Variants in PTPRT observed in about 807,000 individuals in gnomAD.
PTPRT encodes the protein protein tyrosine phosphatase receptor type T.
In PTPRT, 56 loss-of-function variants were observed where a neutral mutation model predicts 176.8. That is an observed-to-expected ratio of 0.32 (90% confidence interval 0.26 to 0.40). The LOEUF (loss-of-function observed/expected upper bound fraction) is 0.40, where lower values mean the gene tolerates loss of function less well. PTPRT is among the 10% of genes least tolerant of loss of function. The pLI, the probability that PTPRT is intolerant of heterozygous loss-of-function variation, is 1.00. For synonymous variants in PTPRT, 783 were observed against 739.0 expected (o/e 1.06, Z -0.96); for missense variants, 1,540 against 1,908.2 (o/e 0.81, Z 3.60).
At chr20:42,263,570 G>A (rs373546100) in intron 13 of PTPRT, among the ~76,000 whole-genome samples, 25 of 151,380 alleles carry the variant, frequency 1.7e-4, no homozygotes, top group Admixed American at 8.6e-4. Context: ...TAGTAGAGAC[G>A]GGGTTTCACC....
chr20:42,749,735 A>C (rs1330639949), intron 6 of PTPRT, among the ~76,000 whole-genome samples: 1 of 152,228 alleles, frequency 6.6e-6, no homozygotes, highest in East Asian at 1.9e-4. Flanking sequence ...AGCTTATTAC[A>C]GAACCTGACA....
At chr20:42,501,930 T>G (rs6030289) in intron 7 of PTPRT, among the ~76,000 whole-genome samples, 19,905 of 152,048 alleles carry the variant, frequency 0.13, 3,072 homozygotes, top group African/African-American at 0.38. Context: ...AATTAGGAAA[T>G]TTTCCTATAT....
chr20:42,220,480 G>C (rs2055861454), intron 15 of PTPRT, among the ~76,000 whole-genome samples: 1 of 152,098 alleles, frequency 6.6e-6, no homozygotes, highest in African/African-American at 2.4e-5. Context: ...GGGAAGCTGA[G>C]GCAGGACTGT....
chr20:42,400,720 G>A (rs930756269), intron 9 of PTPRT, among the ~76,000 whole-genome samples: 9 of 152,162 alleles, frequency 5.9e-5, no homozygotes, highest in Non-Finnish European at 2.9e-5. Flanking sequence ...AGAAGAGAAA[G>A]GAAAGGTCTT....
chr20:42,478,159 T>A (rs2071323743), intron 7 of PTPRT, among the ~76,000 whole-genome samples: 1 of 152,214 alleles, frequency 6.6e-6, no homozygotes, highest in Non-Finnish European at 1.5e-5. Flanking sequence ...CTGAGGTTGC[T>A]GTGCACACAC....
chr20:42,050,672 C>T, the PTPRT span, among the ~76,000 whole-genome samples: 34 of 152,292 alleles, frequency 2.2e-4, no homozygotes, highest in African/African-American at 7.9e-4. Flanking sequence ...GGAAGTGAAG[C>T]TTTAACTCCA....
the PTPRT span, among the ~76,000 whole-genome samples, chr20:42,035,738 T>C: frequency 3.3e-5 from 5 of 152,182 alleles, no homozygotes; most frequent in African/African-American, 1.2e-4. Flanking sequence ...TGGTACAAAA[T>C]AGGCACTCAG....
intron 15 of PTPRT, among the ~76,000 whole-genome samples, chr20:42,212,434 AAAAG>A (rs2055665639): frequency 6.6e-6 from 1 of 151,630 alleles, no homozygotes; most frequent in South Asian, 2.1e-4. Context: ...AAAAAAAAAA[AAAAG>A]AATCAATAGT....
At chr20:42,699,889 C>G (rs1418500396) in intron 6 of PTPRT, among the ~76,000 whole-genome samples, 1 of 152,290 alleles carries the variant, frequency 6.6e-6, no homozygotes, top group African/African-American at 2.4e-5. Context: ...AGCCCACAAA[C>G]TAATTTGGGT....
intron 9 of PTPRT, among the ~76,000 whole-genome samples, chr20:42,368,941 T>A (rs2058550872): frequency 6.6e-6 from 1 of 152,172 alleles, no homozygotes; most frequent in Non-Finnish European, 1.5e-5. Context: ...AGCCTGTGTG[T>A]GAGGGGTGGA....
intron 1 of PTPRT, among the ~76,000 whole-genome samples, chr20:42,888,315 T>C (rs2079135380): frequency 2.0e-5 from 3 of 150,758 alleles, no homozygotes; most frequent in Non-Finnish European, 4.4e-5. Flanking sequence ...ACCTGACTAA[T>C]ATATAAAGTG....
At chr20:42,316,105 G>T in intron 11 of PTPRT, 109 bp from the exon 12 acceptor site, 2 of 1,270,880 alleles carry the variant, frequency 1.6e-6, no homozygotes, top group Non-Finnish European at 1.1e-6. Flanking sequence ...CATTGGTTCG[G>T]TCTACAACAA....
At chr20:42,634,814 G>T (rs1265746698) in intron 7 of PTPRT, among the ~76,000 whole-genome samples, 1 of 152,108 alleles carries the variant, frequency 6.6e-6, no homozygotes, top group Non-Finnish European at 1.5e-5. Flanking sequence ...TGCTTTGGGA[G>T]TTAAACATAT....
intron 1 of PTPRT, among the ~76,000 whole-genome samples, chr20:43,032,634 C>G (rs764550110): frequency 6.6e-6 from 1 of 151,968 alleles, no homozygotes; most frequent in Non-Finnish European, 1.5e-5. Flanking sequence ...CAGAAGAGTC[C>G]ACAGGGGAAT....
At chr20:42,065,303 G>C in the PTPRT span, among the ~76,000 whole-genome samples, 1 of 152,226 alleles carries the variant, frequency 6.6e-6, no homozygotes, top group Non-Finnish European at 1.5e-5. Context: ...AATATTGCTA[G>C]CTGCATTGGC....
intron 1 of PTPRT, among the ~76,000 whole-genome samples, chr20:43,109,599 T>C (rs34785326): frequency 0.083 from 12,593 of 152,122 alleles, 585 homozygotes; most frequent in African/African-American, 0.13. Flanking sequence ...TCAGACATGG[T>C]CCCTTCCTTC....
chr20:43,111,032 G>A (rs747684064), intron 1 of PTPRT, among the ~76,000 whole-genome samples: 4 of 152,140 alleles, frequency 2.6e-5, no homozygotes, highest in Non-Finnish European at 5.9e-5. Flanking sequence ...ATCTGGAAAT[G>A]GCTGGAAAAG....
chr20:42,138,863 C>T (rs1988496320), intron 18 of PTPRT, among the ~76,000 whole-genome samples: 1 of 152,174 alleles, frequency 6.6e-6, no homozygotes, highest in Admixed American at 6.5e-5. Flanking sequence ...AGGCAGTGCC[C>T]TCCCTCCTAC....
At chr20:43,180,699 G>C (rs2015235263) in intron 1 of PTPRT, among the ~76,000 whole-genome samples, 1 of 152,180 alleles carries the variant, frequency 6.6e-6, no homozygotes, top group Admixed American at 6.5e-5. Context: ...CTAACCTCAG[G>C]TGATCCGCCC....
Sources: gnomAD v4.1 joint callset for allele counts (sites outside exome capture counted in the v4.1 genomes callset) on GRCh38, gnomAD v4.1.1 for gene constraint, MANE v1.5 for transcripts, NCBI Gene and HGNC (gene_info 2026-07-23, HGNC 2026-07-21) for gene names.